KANSL3: variants seen among roughly 807,000 people sequenced by gnomAD.
KANSL3 encodes the protein KAT8 regulatory NSL complex subunit 3.
KANSL3 carries 16 observed loss-of-function variants against 89.2 expected under a neutral mutation model. The ratio of observed to expected loss-of-function variants is 0.18; its 90% CI spans 0.12 to 0.27. The LOEUF (loss-of-function observed/expected upper bound fraction) is 0.27. Among genes scored for constraint, KANSL3 ranks in the 10% least tolerant of loss-of-function variants. KANSL3 has a pLI of 1.00. For missense variants in KANSL3, 879 were observed against 1,110.6 expected (o/e 0.79, Z 2.96); for synonymous variants, 385 against 419.7 (o/e 0.92, Z 1.01).
chr2:96,591,395 C>A (rs1423235981), downstream of KANSL3, among the ~76,000 whole-genome samples: 2 of 152,050 alleles, frequency 1.3e-5, no homozygotes, highest in Admixed American at 1.3e-4. Flanking sequence ...GCTGATGGAA[C>A]CATTCTGTAT....
At chr2:96,637,625 C>CT (rs1447522195) in intron 1 of KANSL3, among the ~76,000 whole-genome samples, 2 of 152,356 alleles carry the variant, frequency 1.3e-5, no homozygotes, top group Admixed American at 1.3e-4. Context: ...GGGGCCGCAG[C>CT]TAGAGCGTGG....
chr2:96,582,646 T>A, the KANSL3 span, among the ~76,000 whole-genome samples: 2 of 152,232 alleles, frequency 1.3e-5, no homozygotes, highest in Admixed American at 6.5e-5. Flanking sequence ...AATGTCTGCA[T>A]CATCTCTGGG....
chr2:96,632,919 T>C (rs567173709), intron 2 of KANSL3, among the ~76,000 whole-genome samples: 6 of 149,564 alleles, frequency 4.0e-5, no homozygotes, highest in Non-Finnish European at 7.4e-5. Flanking sequence ...TGAGCCGAGA[T>C]TGCGCCACTG....
intron 5 of KANSL3, among the ~76,000 whole-genome samples, chr2:96,617,169 T>C (rs1234341057): frequency 6.6e-6 from 1 of 152,190 alleles, no homozygotes; most frequent in Non-Finnish European, 1.5e-5. Context: ...GTCCAGGGTT[T>C]CTACTACAGG....
chr2:96,629,935 C>A lies in KANSL3; in HGVS notation c.386+1377G>T, dbSNP rs375007571. 9.1e-4 allele frequency among the ~76,000 whole-genome samples: 138 copies of A among 152,240 alleles called. 4 individuals carry two copies. In the South Asian group the frequency reaches 0.028, roughly 30 times the overall value. ...TATGGATACACAGACAAAAAGCCATCAACAAAATATAAGTTGAAACCACAA... is the reference window on the plus strand; with the variant it reads ...TATGGATACACAGACAAAAAGCCATAAACAAAATATAAGTTGAAACCACAA... On this transcript the variant is annotated intron_variant, in intron 3 of 20. Transcript: ENST00000431828.
chr2:96,609,140 T>C, intron 12 of KANSL3, 76 bp from the exon 13 acceptor site: 1 of 1,288,984 alleles, frequency 7.8e-7, no homozygotes, highest in Non-Finnish European at 1.1e-6. Flanking sequence ...ACTTTCCAAC[T>C]AAAACAGATT....
chr2:96,636,397 G>T (rs2074249642), intron 2 of KANSL3, among the ~76,000 whole-genome samples: 1 of 152,202 alleles, frequency 6.6e-6, no homozygotes, highest in South Asian at 2.1e-4. Context: ...TTAGACATAA[G>T]AAGGGTTTAG....
chr2:96,600,152 G>C (rs1175438208), intron 20 of KANSL3, among the ~76,000 whole-genome samples: 1 of 152,078 alleles, frequency 6.6e-6, no homozygotes, highest in Non-Finnish European at 1.5e-5. Flanking sequence ...AGGGAAACGT[G>C]TCACGACATG....
At chr2:96,605,988 C>G (rs1231668550) in intron 14 of KANSL3, 6 of 153,050 alleles carry the variant, frequency 3.9e-5, no homozygotes, top group African/African-American at 1.4e-4. Context: ...CATGGAGGAG[C>G]AGGTCATCCA....
At chr2:96,632,795 T>G (rs1439110832) in intron 2 of KANSL3, among the ~76,000 whole-genome samples, 3 of 151,860 alleles carry the variant, frequency 2.0e-5, no homozygotes, top group African/African-American at 7.3e-5. Context: ...AGAAACCCCG[T>G]CTCTACTAAA....
chr2:96,610,951 T>C (rs140430756), intron 10 of KANSL3, 68 bp from the exon 11 acceptor site: 3 of 1,591,940 alleles, frequency 1.9e-6, no homozygotes, highest in East Asian at 4.5e-5. Flanking sequence ...GAAACTCCAC[T>C]AAGGAGGATC....
intron 9 of KANSL3, among the ~76,000 whole-genome samples, chr2:96,611,493 C>T (rs1005563817): frequency 1.3e-5 from 2 of 152,128 alleles, no homozygotes; most frequent in African/African-American, 2.4e-5. Flanking sequence ...ACAATGTTGC[C>T]ATTAACCCTT....
At chr2:96,608,395 G>C in intron 14 of KANSL3, 113 bp downstream of exon 14, 1 of 1,008,414 alleles carries the variant, frequency 9.9e-7, no homozygotes, top group Non-Finnish European at 1.5e-6. Context: ...GTGAGAAAGG[G>C]CGCCTCTCAC....
chr2:96,585,052 A>C, the KANSL3 span, among the ~76,000 whole-genome samples: 1 of 152,192 alleles, frequency 6.6e-6, no homozygotes, highest in African/African-American at 2.4e-5. Context: ...GAAGCCTTTA[A>C]GATTTTCTGT....
At chr2:96,604,413 A>G in intron 16 of KANSL3, 33 bp from the exon 17 acceptor site, 1 of 1,601,366 alleles carries the variant, frequency 6.2e-7, no homozygotes, top group Non-Finnish European at 8.5e-7. Flanking sequence ...TGTTATCCAA[A>G]GGTCACAGGA....
rs888172870 is a variant in KANSL3, at chr2:96,594,285, T to A, written c.*1326A>T. Reference sequence around the variant, plus strand: ...TGGAGTCACACTTGGGTTGCCTAATTTATTACCTTAACTAGAAACATTCTA... The same window carrying A: ...TGGAGTCACACTTGGGTTGCCTAATATATTACCTTAACTAGAAACATTCTA... On this transcript the variant is annotated 3_prime_UTR_variant, in exon 21 of 21. Coordinates refer to ENST00000431828, the MANE Select transcript of KANSL3 (RefSeq NM_001115016.3). The A allele has an allele frequency of 2.0e-5, 3 of 152,208 alleles. No homozygotes were observed. Among genetic ancestry groups the A allele is most frequent in the Non-Finnish European group, 4.4e-5 (3 of 68,040 alleles). 9.4% of individuals were successfully genotyped at this position (152,208 alleles called of 1,614,324 possible). A position where few individuals can be genotyped will look rare whatever the true frequency, so the allele number is the denominator to read the frequency against.
chr2:96,616,904 G>A (rs1028255025), intron 5 of KANSL3, among the ~76,000 whole-genome samples: 1 of 152,204 alleles, frequency 6.6e-6, no homozygotes, highest in Non-Finnish European at 1.5e-5. Context: ...AAATAGGGCA[G>A]CAGTACAAAT....
Position 96,610,722 on chromosome 2 carries a change from C to T in KANSL3, c.1319+4G>A. ...CTCTTGCAGCTCTGGGAGAATCCAC[C>T]CACCTGAGATTGTCATCAGCTCCCC... On this transcript the variant is annotated splice_donor_region_variant and intron_variant, in intron 11 of 20. Transcript: ENST00000431828. 3 of 1,613,658 alleles carry T rather than the reference C, an allele frequency of 1.9e-6. No homozygotes were observed. The highest frequency in any genetic ancestry group is 2.5e-6 in the Non-Finnish European group (3 of 1,179,772).
At chr2:96,608,404 A>T in intron 14 of KANSL3, 104 bp downstream of exon 14, 1 of 1,174,258 alleles carries the variant, frequency 8.5e-7, no homozygotes, top group Non-Finnish European at 1.2e-6. Context: ...GGCGCCTCTC[A>T]CATCCCCCTG....
Sources: gnomAD v4.1 joint callset for allele counts (sites outside exome capture counted in the v4.1 genomes callset) on GRCh38, gnomAD v4.1.1 for gene constraint, MANE v1.5 for transcripts, NCBI Gene and HGNC (gene_info 2026-07-23, HGNC 2026-07-21) for gene names.